TMEM51: variants seen among roughly 807,000 people sequenced by gnomAD.
The protein encoded by TMEM51 is transmembrane protein 51, also known as chromosome 1 open reading frame 72.
In TMEM51, 8 loss-of-function variants were observed where a neutral mutation model predicts 13.6. The observed-to-expected ratio is 0.59, with a 90% confidence interval of 0.35 to 1.07. TMEM51 has a LOEUF of 1.07. Ranked by LOEUF, TMEM51 falls within the 50% of genes least tolerant of loss-of-function variation. TMEM51 has a pLI of 0.02. For missense variants in TMEM51, 279 were observed against 330.7 expected, an observed-to-expected ratio of 0.84 and a Z score of 1.21; for synonymous variants, 147 against 144.4, an observed-to-expected ratio of 1.02 and a Z score of -0.13.
intron 1 of TMEM51, among the ~76,000 whole-genome samples, chr1:15,181,737 G>A (rs1378034691): frequency 6.6e-6 from 1 of 152,180 alleles, no homozygotes; most frequent in African/African-American, 2.4e-5. Flanking sequence ...TGTGTTGTGG[G>A]AACCACAGCA....
At chr1:15,208,699 G>A (rs1336043259) in intron 1 of TMEM51, among the ~76,000 whole-genome samples, 1 of 152,032 alleles carries the variant, frequency 6.6e-6, no homozygotes, top group Non-Finnish European at 1.5e-5. Flanking sequence ...CAAGCAGTAG[G>A]TATAGCAAGT....
rs1291660734 is a variant in TMEM51, at chr1:15,161,829, T to C, written c.-267+7875T>C. On this transcript the variant is annotated intron_variant, in intron 1 of 3. Coordinates refer to ENST00000376008, the MANE Select transcript of TMEM51 (RefSeq NM_001136218.2). The surrounding 1 kb of genome is among the most constrained non-coding windows in gnomAD (Gnocchi z 4.0). ...CTGTAGTCCCAGCTACTCAGGAGGC[T>C]GAGGCAGAAGAATGGCTTGAACCCG... is the stretch of plus-strand genomic sequence containing the variant. Among the ~76,000 whole-genome samples, 2 of 151,720 alleles carry C rather than the reference T, an allele frequency of 1.3e-5. No homozygotes were observed. The highest frequency in any genetic ancestry group is 4.9e-5 in the African/African-American group (2 of 41,172).
At chr1:15,218,050 G>A (rs2100367394) in intron 3 of TMEM51, among the ~76,000 whole-genome samples, 1 of 151,758 alleles carries the variant, frequency 6.6e-6, no homozygotes, top group African/African-American at 2.4e-5. Flanking sequence ...GGCAGACTTT[G>A]AGGTTTCTGA....
At chr1:15,176,485 C>A (rs994036326) in intron 1 of TMEM51, among the ~76,000 whole-genome samples, 2 of 152,192 alleles carry the variant, frequency 1.3e-5, no homozygotes, top group Non-Finnish European at 1.5e-5. Flanking sequence ...GGGAATAGAA[C>A]CGGATGTGGA....
intron 1 of TMEM51, among the ~76,000 whole-genome samples, chr1:15,158,354 G>A (rs548988453): frequency 6.6e-6 from 1 of 152,312 alleles, no homozygotes; most frequent in African/African-American, 2.4e-5. Flanking sequence ...CTTAGAAATG[G>A]AAGCCACGGG....
intron 1 of TMEM51, among the ~76,000 whole-genome samples, chr1:15,208,758 G>A (rs1644291736): frequency 6.6e-6 from 1 of 152,110 alleles, no homozygotes; most frequent in Admixed American, 6.6e-5. Flanking sequence ...GGAGCAGAAA[G>A]GAAACCACTG....
upstream of TMEM51, among the ~76,000 whole-genome samples, chr1:15,153,221 C>G (rs1489717444): frequency 1.6e-5 from 1 of 63,410 alleles, no homozygotes; most frequent in African/African-American, 4.1e-5. Flanking sequence ...GCGGTGGCCT[C>G]CCCAGGAAGG....
At chr1:15,186,995 C>T (rs761290) in intron 1 of TMEM51, among the ~76,000 whole-genome samples, 81,570 of 151,966 alleles carry the variant, frequency 0.54, 22,397 homozygotes, top group East Asian at 0.64. Flanking sequence ...GCATGTGTCC[C>T]GGCAACCCCA....
Position 15,187,832 on chromosome 1 carries a change from A to AC in TMEM51, c.-266-22657dup, listed in dbSNP as rs143916625. 8.2e-4 allele frequency among the ~76,000 whole-genome samples: 125 copies of AC among 151,934 alleles called. 1 individual carries two copies. In the East Asian group the frequency reaches 0.022, roughly 27 times the overall value. ...AGTGACCTTAGCAGCCATCCTCAAA[A>AC]CACCCCGGCCAAGGAAAGAGCTCTG... On this transcript the variant is annotated intron_variant, in intron 1 of 3. Transcript: ENST00000376008.
chr1:15,174,362 C>A (rs937059994), intron 1 of TMEM51, among the ~76,000 whole-genome samples: 34 of 152,334 alleles, frequency 2.2e-4, no homozygotes, highest in African/African-American at 8.2e-4. Flanking sequence ...CCCACCTCAG[C>A]CTCCTGAGTA....
chr1:15,195,184 C>T (rs1162479303), intron 1 of TMEM51, among the ~76,000 whole-genome samples: 1 of 152,036 alleles, frequency 6.6e-6, no homozygotes, highest in African/African-American at 2.4e-5. Flanking sequence ...CTGCCTACCT[C>T]GGCCTCCCAA....
chr1:15,169,300 T>C (rs1643149213), intron 1 of TMEM51, among the ~76,000 whole-genome samples: 2 of 152,306 alleles, frequency 1.3e-5, no homozygotes, highest in South Asian at 4.1e-4. Context: ...GGGAGATAAC[T>C]TGGGATTCTG....
At chr1:15,199,048 C>T (rs1644103100) in intron 1 of TMEM51, among the ~76,000 whole-genome samples, 1 of 152,094 alleles carries the variant, frequency 6.6e-6, no homozygotes, top group Non-Finnish European at 1.5e-5. Flanking sequence ...CAGGGCTTCT[C>T]TATAGACAGT....
intron 1 of TMEM51, among the ~76,000 whole-genome samples, chr1:15,171,511 G>A (rs2100837495): frequency 6.6e-6 from 1 of 152,220 alleles, no homozygotes; most frequent in African/African-American, 2.4e-5. Context: ...GGGGGGCCTG[G>A]GCTGCTGTTG....
chr1:15,178,792 C>T (rs1021025123), intron 1 of TMEM51, among the ~76,000 whole-genome samples: 1 of 152,220 alleles, frequency 6.6e-6, no homozygotes, highest in Non-Finnish European at 1.5e-5. Context: ...CATTGGTCCC[C>T]TGGAGGTCCC....
chr1:15,208,278 G>A (rs946250430), intron 1 of TMEM51, among the ~76,000 whole-genome samples: 4 of 152,180 alleles, frequency 2.6e-5, no homozygotes, highest in African/African-American at 9.6e-5. Flanking sequence ...TCAGAGAGGT[G>A]CTCACTGAGG....
chr1:15,215,346 G>A lies in TMEM51; in HGVS notation c.259G>A (p.Asp87Asn), dbSNP rs748720961. The part of the protein sequence containing the change: ...LLLSICLSIR[D>N]KRKQRQGEDL... ...GCTTTCTATCTGCCTGAGTATCAGG[G>A]ATAAGAGGAAGCAGCGGCAGGGCGA... Residue 87 changes from aspartate (D) to asparagine (N), a missense_variant, in exon 3 of 4, where the codon GAT becomes AAT. Asp to Asn is a conservative substitution (Grantham distance 23, BLOSUM62 1). Coordinates refer to ENST00000376008, the MANE Select transcript of TMEM51 (RefSeq NM_001136218.2). 6.2e-7 allele frequency: 1 copy of A among 1,613,798 alleles called. No individual in the cohort carries two copies. The highest frequency in any genetic ancestry group is 2.2e-5 in the East Asian group (1 of 44,886).
chr1:15,199,422 A>G (rs1644111590), intron 1 of TMEM51, among the ~76,000 whole-genome samples: 1 of 152,110 alleles, frequency 6.6e-6, no homozygotes, highest in Non-Finnish European at 1.5e-5. Flanking sequence ...GGCATGAGCC[A>G]CCACACCCGG....
chr1:15,180,437 C>T (rs952353229), intron 1 of TMEM51, among the ~76,000 whole-genome samples: 5 of 152,180 alleles, frequency 3.3e-5, no homozygotes, highest in African/African-American at 1.2e-4. Flanking sequence ...AGGTATTGGG[C>T]GTCGGGCAGA....
Sources: gnomAD v4.1 joint callset for allele counts (sites outside exome capture counted in the v4.1 genomes callset) on GRCh38, gnomAD v4.1.1 for gene constraint, Gnocchi (gnomAD v3.1) non-coding constraint, MANE v1.5 for transcripts, NCBI Gene and HGNC (gene_info 2026-07-23, HGNC 2026-07-21) for gene names.